The following PERP variants were observed in gnomAD, a reference collection of about 807,000 sequenced individuals.
PERP encodes p53 apoptosis effector related to PMP-22.
Under a neutral mutation model 20.3 loss-of-function variants are expected in PERP, and 11 were observed. The ratio of observed to expected loss-of-function variants is 0.54; its 90% confidence interval spans 0.34 to 0.90. The LOEUF (loss-of-function observed/expected upper bound fraction) is 0.90. PERP is among the 40% of genes least tolerant of loss of function. PERP has a pLI of 0.02. For missense variants in PERP, 224 were observed against 249.4 expected, an observed-to-expected ratio of 0.90 and a Z score of 0.69; for synonymous variants, 101 against 102.0, an observed-to-expected ratio of 0.99 and a Z score of 0.06.
intron 1 of PERP, among the ~76,000 whole-genome samples, chr6:138,106,161 A>T (rs1775837780): frequency 6.6e-6 from 1 of 152,162 alleles, no homozygotes; most frequent in Non-Finnish European, 1.5e-5. Flanking sequence ...TGTGTTTAAA[A>T]CTATTAAACC....
chr6:138,104,527 A>G (rs1775816626), intron 1 of PERP, among the ~76,000 whole-genome samples: 1 of 152,242 alleles, frequency 6.6e-6, no homozygotes, highest in Non-Finnish European at 1.5e-5. Flanking sequence ...ATTATTGTCA[A>G]TACTTGCCAG....
At chr6:138,105,846 G>C (rs572938938) in intron 1 of PERP, among the ~76,000 whole-genome samples, 2 of 152,212 alleles carry the variant, frequency 1.3e-5, no homozygotes, top group Non-Finnish European at 2.9e-5. Context: ...AAACACTGGA[G>C]ATGATACAAA....
Position 138,092,255 on chromosome 6 carries a change from G to T in PERP, c.369C>A (p.Ile123=), listed in dbSNP as rs1775600003. 2 of 1,613,750 alleles carry T rather than the reference G, an allele frequency of 1.2e-6. No homozygotes were observed. The highest frequency in any genetic ancestry group is 1.1e-5 in the South Asian group (1 of 91,042). Residue 123 remains isoleucine, a synonymous_variant, in exon 3 of 3, where the codon ATC becomes ATA. Transcript: ENST00000421351. ...GLLALAAVFQ[I]ISLVIYPVKY... ...TCACGGGGTAAATTACCAGGGAGAT[G>T]ATCTGGAACACAGCTAAAGGGAAGA...
At chr6:138,100,619 C>A (rs904672853) in intron 1 of PERP, among the ~76,000 whole-genome samples, 3 of 151,998 alleles carry the variant, frequency 2.0e-5, no homozygotes, top group Admixed American at 1.3e-4. Context: ...TGTCAACTCT[C>A]ATTCTCTGGA....
chr6:138,105,629 C>T (rs866843397), intron 1 of PERP, among the ~76,000 whole-genome samples: 10 of 152,192 alleles, frequency 6.6e-5, no homozygotes, highest in Non-Finnish European at 1.2e-4. Flanking sequence ...GTCAAAGGCA[C>T]GCTAGTCTTA....
At chr6:138,104,582 T>C (rs1258624207) in intron 1 of PERP, among the ~76,000 whole-genome samples, 4 of 152,236 alleles carry the variant, frequency 2.6e-5, no homozygotes, top group Non-Finnish European at 5.9e-5. Context: ...ATTGTTATGA[T>C]TATCAACTAA....
chr6:138,106,591 GGTAAA>G (rs1775844899), intron 1 of PERP, among the ~76,000 whole-genome samples: 1 of 152,194 alleles, frequency 6.6e-6, no homozygotes, highest in Admixed American at 6.5e-5. Flanking sequence ...TAGCCTGACC[GGTAAA>G]GTAGACTGAA....
In PERP at chr6:138,090,881, A is replaced by G. The variant is rs1775567735; in HGVS notation, c.*1161T>C. On this transcript the variant is annotated 3_prime_UTR_variant, in exon 3 of 3. Coordinates refer to ENST00000421351, the MANE Select transcript of PERP (RefSeq NM_022121.5). ...AATAATAATCTGATATTTAAAATGA[A>G]TTGGTTTTCATTATGTAAGTCGAAA... 6.6e-6 allele frequency: 1 copy of G among 152,616 alleles called. No homozygotes were observed. Among genetic ancestry groups the G allele is most frequent in the South Asian group, 2.1e-4 (1 of 4,830 alleles). The allele number at this position is 152,616 out of a possible 1,614,324, so 9.5% of individuals were successfully genotyped here. A position where few individuals can be genotyped will look rare whatever the true frequency, so the allele number is the denominator to read the frequency against.
At chr6:138,099,132 T>C (rs1260538616) in intron 1 of PERP, among the ~76,000 whole-genome samples, 2 of 152,220 alleles carry the variant, frequency 1.3e-5, no homozygotes, top group African/African-American at 4.8e-5. Flanking sequence ...AAAATGATAC[T>C]GATTCCTGTG....
In PERP at chr6:138,107,149, GCCCTCCTCGTAGGAC is replaced by G; in HGVS notation, c.177_191del (p.Ser60_Gly64del). 1 of 1,610,146 alleles carries G rather than the reference GCCCTCCTCGTAGGAC, an allele frequency of 6.2e-7. No homozygotes were observed. The highest frequency in any genetic ancestry group is 8.5e-7 in the Non-Finnish European group (1 of 1,178,818). ...CACCGTACTCCATGAGGCTCTGACA[GCCCTCCTCGTAGGAC>G]CCGCTGCCGCCGCCCTCTTGGGAGC... is the stretch of plus-strand genomic sequence containing the variant. On this transcript the variant is annotated inframe_deletion, in exon 1 of 3. Transcript: ENST00000421351. The surrounding 1 kb of genome is among the most constrained non-coding windows in gnomAD (Gnocchi z 4.8).
At chr6:138,101,590 C>A (rs1387807142) in intron 1 of PERP, among the ~76,000 whole-genome samples, 1 of 152,128 alleles carries the variant, frequency 6.6e-6, no homozygotes, top group Non-Finnish European at 1.5e-5. Flanking sequence ...TGGCACCCAA[C>A]CAGAGTCCAG....
At chr6:138,095,902 G>A (rs948272808) in intron 2 of PERP, among the ~76,000 whole-genome samples, 6 of 152,070 alleles carry the variant, frequency 3.9e-5, no homozygotes, top group Non-Finnish European at 8.8e-5. Flanking sequence ...TCCATCCCAC[G>A]GCAGAACACC....
At chr6:138,096,717 T>C (rs960058817) in intron 1 of PERP, among the ~76,000 whole-genome samples, 1 of 152,166 alleles carries the variant, frequency 6.6e-6, no homozygotes, top group Non-Finnish European at 1.5e-5. Flanking sequence ...AAATGCCTTT[T>C]CCCCCTCAGT....
chr6:138,102,226 T>C (rs549400833), intron 1 of PERP, among the ~76,000 whole-genome samples: 1 of 152,328 alleles, frequency 6.6e-6, no homozygotes, highest in African/African-American at 2.4e-5. Context: ...ATAACCTTCT[T>C]TTAGACGATT....
At position 138,096,465 on chromosome 6, in the gene PERP, A is replaced by T; in HGVS notation, c.244T>A (p.Phe82Ile). 6.2e-7 allele frequency: 1 copy of T among 1,613,626 alleles called. No individual in the cohort carries two copies. Among genetic ancestry groups the T allele is most frequent in the Non-Finnish European group, 8.5e-7 (1 of 1,179,870 alleles). Residue 82 changes from phenylalanine to isoleucine, a missense_variant, in exon 2 of 3, where the codon TTC becomes ATC. Coordinates refer to ENST00000421351, the MANE Select transcript of PERP (RefSeq NM_022121.5). ...ATCACCAGGATGATGAAGCCACAGA[A>T]GAGCATGGCAGCCGCTGCTCTACCC... ...AWGRAAAAML[F>I]CGFIILVICF...
At chr6:138,104,611 A>C (rs1775817667) in intron 1 of PERP, among the ~76,000 whole-genome samples, 1 of 152,256 alleles carries the variant, frequency 6.6e-6, no homozygotes, top group Non-Finnish European at 1.5e-5. Context: ...GTGTTGAAAC[A>C]CTTTGTAATA....
chr6:138,095,908 A>ACAC (rs779533037), intron 2 of PERP, among the ~76,000 whole-genome samples: 31 of 152,180 alleles, frequency 2.0e-4, no homozygotes, highest in Non-Finnish European at 3.5e-4. Context: ...CCACGGCAGA[A>ACAC]CACCATTTCA....
intron 1 of PERP, among the ~76,000 whole-genome samples, chr6:138,098,860 C>T (rs1483682512): frequency 6.6e-6 from 1 of 152,068 alleles, no homozygotes; most frequent in Non-Finnish European, 1.5e-5. Context: ...TACTTTCCTC[C>T]AAATCTTCTA....
At position 138,101,651 on chromosome 6, in the gene PERP, A is replaced by C. The variant is rs955868230; in HGVS notation, c.215-5157T>G. ...CTGTCAATAATACCAAAGATTCTGT[A>C]TCATCCAAGATTTTGTCAGATTCTT... On this transcript the variant is annotated intron_variant, in intron 1 of 2. Transcript: ENST00000421351. Among the ~76,000 whole-genome samples the C allele has an allele frequency of 3.3e-5, 5 of 152,326 alleles. No individual in the cohort carries two copies. The East Asian group carries it at 9.6e-4, about 29-fold the overall frequency.
Sources: gnomAD v4.1 joint callset for allele counts (sites outside exome capture counted in the v4.1 genomes callset) on GRCh38, gnomAD v4.1.1 for gene constraint, Gnocchi (gnomAD v3.1) non-coding constraint, MANE v1.5 for transcripts, NCBI Gene and HGNC (gene_info 2026-07-23, HGNC 2026-07-21) for gene names.